NPHP4: variants seen among roughly 807,000 people sequenced by gnomAD.
NPHP4 encodes the protein nephrocystin 4.
A neutral mutation model predicts 155.8 loss-of-function variants in NPHP4; 151 were observed. The ratio of observed to expected loss-of-function variants is 0.97; its 90% CI spans 0.85 to 1.11. The LOEUF is 1.11. Among genes scored for constraint, NPHP4 ranks in the 50% least tolerant of loss-of-function variants. NPHP4 has a pLI of 0.00. For synonymous variants in NPHP4, 845 were observed against 816.8 expected (o/e 1.03, Z -0.59); for missense variants, 1,956 against 1,925.7 (o/e 1.02, Z -0.29).
rs1402486063 is a variant in NPHP4, at chr1:5,934,625, G to A, written c.1120-1296C>T. Among the ~76,000 whole-genome samples the A allele has an allele frequency of 3.3e-5, 5 of 152,266 alleles. 1 individual carries two copies. The highest frequency in any genetic ancestry group is 2.0e-4 in the Admixed American group (3 of 15,306). On this transcript the variant is annotated intron_variant, in intron 9 of 29. Coordinates refer to ENST00000378156, the MANE Select transcript of NPHP4 (RefSeq NM_015102.5). ...GTGGCTCCCCACTGCTCCCAGTCCCGGGCTTGGCTAAGGCAGCCAAGGGCA... is the reference window on the plus strand; with the variant it reads ...GTGGCTCCCCACTGCTCCCAGTCCCAGGCTTGGCTAAGGCAGCCAAGGGCA...
At chr1:5,907,261 T>C (rs1265904205) in intron 12 of NPHP4, 39 bp from the exon 13 acceptor site, 4 of 1,354,506 alleles carry the variant, frequency 3.0e-6, no homozygotes, top group Admixed American at 2.1e-5. Flanking sequence ...GCTCAGAAGC[T>C]TGCCAGTCCG....
chr1:5,968,832 G>A (rs968185798), intron 4 of NPHP4, among the ~76,000 whole-genome samples: 1 of 151,974 alleles, frequency 6.6e-6, no homozygotes, highest in African/African-American at 2.4e-5. Flanking sequence ...TCAGGAGTTC[G>A]AGACTAGCCT....
chr1:5,934,436 C>T (rs752561547), intron 9 of NPHP4, among the ~76,000 whole-genome samples: 8 of 152,150 alleles, frequency 5.3e-5, no homozygotes, highest in Non-Finnish European at 1.0e-4. Flanking sequence ...GACTTCCAGC[C>T]TCTGTGTCCC....
intron 11 of NPHP4, among the ~76,000 whole-genome samples, chr1:5,924,703 G>A (rs1163299787): frequency 1.1e-4 from 17 of 152,180 alleles, no homozygotes; most frequent in Non-Finnish European, 1.6e-4. Flanking sequence ...TGCCCAGGCT[G>A]GAGTGCACTG....
At chr1:5,925,143 T>C (rs527538567) in intron 11 of NPHP4, among the ~76,000 whole-genome samples, 2 of 152,354 alleles carry the variant, frequency 1.3e-5, no homozygotes, top group South Asian at 2.1e-4. Context: ...AGTGGATCCA[T>C]GGGTTCTGCA....
chr1:5,951,249 C>T (rs1052930692), intron 7 of NPHP4, among the ~76,000 whole-genome samples: 1 of 152,196 alleles, frequency 6.6e-6, no homozygotes, highest in Non-Finnish European at 1.5e-5. Flanking sequence ...CCTCGTGTCG[C>T]GCAGTCACAC....
intron 23 of NPHP4, among the ~76,000 whole-genome samples, chr1:5,871,166 G>A (rs1369774142): frequency 1.3e-5 from 2 of 152,248 alleles, no homozygotes; most frequent in African/African-American, 4.8e-5. Context: ...TAGTGACCGG[G>A]AAGTCTGGGA....
chr1:5,971,377 G>C lies in NPHP4; in HGVS notation c.280-2118C>G, dbSNP rs1051260452. Among the ~76,000 whole-genome samples the C allele has an allele frequency of 3.3e-5, 5 of 152,328 alleles. No homozygotes were observed. The South Asian group carries it at 8.3e-4, about 25-fold the overall frequency. ...GCTCCAAGTGCAGCATGTTTGAAAA[G>C]TTCAGATGGTTGTACCAGTACAATT... On this transcript the variant is annotated intron_variant, in intron 3 of 29. Coordinates refer to ENST00000378156, the MANE Select transcript of NPHP4 (RefSeq NM_015102.5).
Position 5,927,732 on chromosome 1 carries a change from T to C in NPHP4, c.1358A>G (p.Glu453Gly), listed in dbSNP as rs1473389449. 6.2e-7 allele frequency: 1 copy of C among 1,613,430 alleles called. No homozygotes were observed. The highest frequency in any genetic ancestry group is 1.1e-5 in the South Asian group (1 of 91,064). Residue 453 changes from glutamate (E) to glycine (G), a missense_variant, in exon 11 of 30, where the codon GAA becomes GGA. Glu to Gly is a moderately conservative substitution (Grantham distance 98). Transcript: ENST00000378156. ...LRFQFSLGSE[E>G]HLDAPTEPVS... The stretch of plus-strand genomic sequence containing the variant: ...AGGCTCCGTGGGTGCATCCAGGTGT[T>C]CTTCTGAGCCCAGCGAGAACTGGAA...
rs900112350 is a variant in NPHP4 at position 5,910,932 on chromosome 1, C to A, written c.1442-1719G>T. On this transcript the variant is annotated intron_variant, in intron 11 of 29. Transcript: ENST00000378156. The surrounding 1 kb of genome is among the most constrained non-coding windows in gnomAD (Gnocchi z 5.4). ...ACCCTCAGAGGATCCAACTGCCCAG[C>A]CTGGCGGGCACAGCTCCCAGTCCAA... 1.1e-4 allele frequency among the ~76,000 whole-genome samples: 16 copies of A among 152,232 alleles called. No individual in the cohort carries two copies. The highest frequency in any genetic ancestry group is 1.7e-4 in the African/African-American group (7 of 41,460).
rs200462413 is a variant in NPHP4, at chr1:5,909,184, C to T, written c.1471G>A (p.Ala491Thr). Residue 491 changes from alanine (A) to threonine (T), a missense_variant, in exon 12 of 30, where the codon GCT becomes ACT. Physicochemically the swap from Ala to Thr is moderately conservative, Grantham distance 58. Coordinates refer to ENST00000378156, the MANE Select transcript of NPHP4 (RefSeq NM_015102.5). ...SPPAPVPRVL[A>T]APQNSPVGPG... ...CCCACAGGTGAGTTCTGCGGGGCAG[C>T]GAGAACTCGAGGTACTGGCGCTGGC... The T allele has an allele frequency of 9.4e-6, 15 of 1,603,384 alleles. 1 individual carries two copies. In the Admixed American group the frequency reaches 1.4e-4, roughly 15 times the overall value.
chr1:5,904,932 G>A (rs558696778), intron 15 of NPHP4, 128 bp from the exon 16 acceptor site: 28 of 843,752 alleles, frequency 3.3e-5, no homozygotes, highest in South Asian at 5.0e-5. Context: ...AGGCTGCCGT[G>A]GTCACCAATG....
chr1:5,872,983 G>T (rs1470840798), intron 23 of NPHP4, among the ~76,000 whole-genome samples: 1 of 152,218 alleles, frequency 6.6e-6, no homozygotes, highest in Non-Finnish European at 1.5e-5. Flanking sequence ...CACGGGAACT[G>T]CGGCTTCACA....
At chr1:5,937,745 G>A (rs968706880) in intron 9 of NPHP4, among the ~76,000 whole-genome samples, 1 of 152,232 alleles carries the variant, frequency 6.6e-6, no homozygotes, top group Non-Finnish European at 1.5e-5. Flanking sequence ...CTTGGCTGAG[G>A]ACAAATTTTA....
At chr1:5,977,200 G>C (rs1475587067) in intron 3 of NPHP4, among the ~76,000 whole-genome samples, 2 of 152,082 alleles carry the variant, frequency 1.3e-5, no homozygotes, top group Non-Finnish European at 2.9e-5. Context: ...GCTGTTAAGA[G>C]TCAAACGTCA....
At chr1:5,929,588 A>C (rs1646175493) in intron 10 of NPHP4, among the ~76,000 whole-genome samples, 1 of 152,164 alleles carries the variant, frequency 6.6e-6, no homozygotes. Context: ...CTGTTACTAT[A>C]ATGAATTACA....
chr1:5,931,067 A>T (rs1214345464), intron 10 of NPHP4, among the ~76,000 whole-genome samples: 2 of 152,210 alleles, frequency 1.3e-5, no homozygotes, highest in East Asian at 3.8e-4. Context: ...TTTGTCTGAT[A>T]GTGTCAATAG....
rs1275926205 is a variant in NPHP4 at position 5,901,200 on chromosome 1, T to C, written c.2143+3417A>G. ...GATCTAAAAAAATAAAATTACTAAT[T>C]TTTAAAAATAATGGAACCATGCACT... On this transcript the variant is annotated intron_variant, in intron 16 of 29. Coordinates refer to ENST00000378156, the MANE Select transcript of NPHP4 (RefSeq NM_015102.5). 4.6e-5 allele frequency among the ~76,000 whole-genome samples: 7 copies of C among 152,324 alleles called. No individual in the cohort carries two copies. In the East Asian group the frequency reaches 1.3e-3, roughly 29 times the overall value.
At position 5,891,040 on chromosome 1, in the gene NPHP4, G is replaced by A. The variant is rs1285484474; in HGVS notation, c.2144-12C>T. On this transcript the variant is annotated splice_polypyrimidine_tract_variant and intron_variant, in intron 16 of 29. Transcript: ENST00000378156. Reference sequence around the variant, plus strand: ...GAAGCCAGGAGACCCTGTCAAAGAGGCACCAAAGGAGGCCAAAAGTAATTG... The same window carrying A: ...GAAGCCAGGAGACCCTGTCAAAGAGACACCAAAGGAGGCCAAAAGTAATTG... 2 of 1,497,680 alleles carry A rather than the reference G, an allele frequency of 1.3e-6. No homozygotes were observed. Among genetic ancestry groups the A allele is most frequent in the Non-Finnish European group, 9.0e-7 (1 of 1,111,472 alleles). The allele number at this position is 1,497,680 out of a possible 1,614,324, so 92.8% of individuals were successfully genotyped here. A position where few individuals can be genotyped will look rare whatever the true frequency, so the allele number is the denominator to read the frequency against.
Sources: gnomAD v4.1 joint callset for allele counts (sites outside exome capture counted in the v4.1 genomes callset) on GRCh38, gnomAD v4.1.1 for gene constraint, Gnocchi (gnomAD v3.1) non-coding constraint, MANE v1.5 for transcripts, NCBI Gene and HGNC (gene_info 2026-07-23, HGNC 2026-07-21) for gene names.